Variants in VWA8 observed in about 807,000 individuals in gnomAD.
The protein encoded by VWA8 is von Willebrand factor A domain containing 8.
Under a neutral mutation model 241.5 loss-of-function variants are expected in VWA8, and 221 were observed. The observed-to-expected ratio is 0.91, with a 90% CI of 0.82 to 1.02. The LOEUF is 1.02. VWA8 is among the 50% of genes least tolerant of loss of function. VWA8 has a pLI of 0.00. For synonymous variants in VWA8, 852 were observed against 827.1 expected (o/e 1.03, Z -0.52); for missense variants, 2,322 against 2,328.7 (o/e 1.00, Z 0.06).
chr13:41,634,661 A>G (rs2044745785), intron 37 of VWA8, among the ~76,000 whole-genome samples: 1 of 152,106 alleles, frequency 6.6e-6, no homozygotes, highest in South Asian at 2.1e-4. Flanking sequence ...GTGATGCCAG[A>G]CAAGTCATTT....
At chr13:41,957,109 T>C (rs1462809348) in intron 1 of VWA8, among the ~76,000 whole-genome samples, 1 of 152,090 alleles carries the variant, frequency 6.6e-6, no homozygotes, top group Non-Finnish European at 1.5e-5. Context: ...GGGTGGCTCA[T>C]ATGGTTTGCC....
intron 40 of VWA8, among the ~76,000 whole-genome samples, chr13:41,596,143 T>G (rs1446491337): frequency 6.6e-6 from 1 of 152,188 alleles, no homozygotes; most frequent in Non-Finnish European, 1.5e-5. Flanking sequence ...TCTTGAGAAC[T>G]AAACATATGT....
At chr13:41,858,691 A>G (rs778819110) in intron 12 of VWA8, among the ~76,000 whole-genome samples, 4 of 152,168 alleles carry the variant, frequency 2.6e-5, no homozygotes, top group Non-Finnish European at 4.4e-5. Flanking sequence ...AAGGATTGCT[A>G]GAGTCAACCA....
At chr13:41,949,861 C>T in intron 2 of VWA8, 75 bp downstream of exon 2, 2 of 896,616 alleles carry the variant, frequency 2.2e-6, no homozygotes, top group Non-Finnish European at 1.7e-6. Context: ...TTCTCTCTAG[C>T]TTTAAATAAC....
At chr13:41,696,656 G>A (rs2045217452) in intron 29 of VWA8, among the ~76,000 whole-genome samples, 1 of 152,118 alleles carries the variant, frequency 6.6e-6, no homozygotes, top group Non-Finnish European at 1.5e-5. Context: ...CCCTCACTGG[G>A]CAGCTGGAAG....
At chr13:41,831,612 AGTTTTTTTT>A (rs755346610) in intron 13 of VWA8, among the ~76,000 whole-genome samples, 2 of 97,192 alleles carry the variant, frequency 2.1e-5, no homozygotes, top group Non-Finnish European at 4.4e-5. Context: ...CCCAGGCATG[AGTTTTTTTT>A]TTTTTTTTTT....
chr13:41,850,325 T>C, intron 12 of VWA8, among the ~76,000 whole-genome samples: 1 of 152,174 alleles, frequency 6.6e-6, no homozygotes, highest in Non-Finnish European at 1.5e-5. Context: ...GCCAAGTACA[T>C]ACTATAATGT....
intron 17 of VWA8, among the ~76,000 whole-genome samples, chr13:41,810,156 T>C (rs879222963): frequency 6.6e-6 from 1 of 151,884 alleles, no homozygotes; most frequent in Non-Finnish European, 1.5e-5. Context: ...GGTGGAAATG[T>C]AAATTAGTAT....
intron 1 of VWA8, among the ~76,000 whole-genome samples, 199 bp downstream of exon 1, chr13:41,960,654 G>A (rs1476569605): frequency 6.6e-6 from 1 of 152,230 alleles, no homozygotes; most frequent in Non-Finnish European, 1.5e-5. Flanking sequence ...ATCAGGCACA[G>A]AGAGGGCGAG....
At chr13:41,788,230 G>A (rs1030294475) in intron 17 of VWA8, among the ~76,000 whole-genome samples, 12 of 152,154 alleles carry the variant, frequency 7.9e-5, no homozygotes, top group African/African-American at 2.9e-4. Flanking sequence ...GGTACCCATG[G>A]TTTAACTATA....
At chr13:41,919,387 G>A (rs1332966393) in intron 2 of VWA8, among the ~76,000 whole-genome samples, 2 of 152,140 alleles carry the variant, frequency 1.3e-5, no homozygotes, top group African/African-American at 2.4e-5. Context: ...GCTCCCCAGA[G>A]TACACATTCT....
At chr13:41,660,969 G>A (rs1472331735) in intron 37 of VWA8, among the ~76,000 whole-genome samples, 2 of 151,694 alleles carry the variant, frequency 1.3e-5, no homozygotes, top group Admixed American at 6.6e-5. Flanking sequence ...GGGTTCAAGC[G>A]ATTCTCCTGC....
chr13:41,865,362 G>A (rs76291279), intron 12 of VWA8: 53,394 of 359,542 alleles, frequency 0.15, 4,199 homozygotes, highest in East Asian at 0.18. Context: ...ATATACAATA[G>A]ATTATTGTCT....
chr13:41,617,421 A>AT (rs888900118), intron 37 of VWA8, among the ~76,000 whole-genome samples: 47 of 151,844 alleles, frequency 3.1e-4, no homozygotes, highest in South Asian at 1.7e-3. Flanking sequence ...GCCAAGATAC[A>AT]TTTTTTTTTA....
At chr13:41,676,626 T>TTCTG (rs1486016419) in intron 35 of VWA8, among the ~76,000 whole-genome samples, 2 of 152,122 alleles carry the variant, frequency 1.3e-5, no homozygotes. Flanking sequence ...GTTCTGCTGT[T>TTCTG]TTTGTTTGTT....
At chr13:41,733,763 G>C (rs1001362925) in intron 21 of VWA8, among the ~76,000 whole-genome samples, 1 of 152,038 alleles carries the variant, frequency 6.6e-6, no homozygotes, top group African/African-American at 2.4e-5. Flanking sequence ...CACACAGACT[G>C]TAAGATCTAA....
At chr13:41,795,472 T>C (rs1427984453) in intron 17 of VWA8, among the ~76,000 whole-genome samples, 1 of 152,194 alleles carries the variant, frequency 6.6e-6, no homozygotes, top group Non-Finnish European at 1.5e-5. Context: ...ATATAAATCA[T>C]TCTGTTATAA....
intron 28 of VWA8, among the ~76,000 whole-genome samples, chr13:41,700,336 T>C (rs1238958764): frequency 6.6e-6 from 1 of 151,818 alleles, no homozygotes; most frequent in Non-Finnish European, 1.5e-5. Context: ...TACAGTAAAT[T>C]TAAATAAATA....
At chr13:41,620,829 C>G (rs1418934450) in intron 37 of VWA8, among the ~76,000 whole-genome samples, 1 of 152,244 alleles carries the variant, frequency 6.6e-6, no homozygotes, top group Middle Eastern at 3.4e-3. Flanking sequence ...CTGGTGGAAG[C>G]TATTTGCTAA....
Sources: allele counts gnomAD v4.1 joint callset (sites outside exome capture counted in the v4.1 genomes callset), GRCh38; gene constraint gnomAD v4.1.1; transcripts MANE v1.5; gene names NCBI Gene and HGNC (gene_info 2026-07-23, HGNC 2026-07-21).